The following DNAH17 variants were observed in gnomAD, a reference collection of about 807,000 sequenced individuals.
DNAH17 encodes axonemal beta dynein heavy chain 17.
In DNAH17, 376 loss-of-function variants were observed where a neutral mutation model predicts 485.6. The observed-to-expected ratio is 0.77, with a 90% CI of 0.71 to 0.84. The LOEUF is 0.84. Among genes scored for constraint, DNAH17 ranks in the 40% least tolerant of loss-of-function variants. DNAH17 has a pLI of 0.00. For synonymous variants in DNAH17, 3,031 were observed against 2,405.9 expected (o/e 1.26, Z -7.60); for missense variants, 6,370 against 5,839.3 (o/e 1.09, Z -2.96).
chr17:78,485,443 T>C, intron 47 of DNAH17, 107 bp downstream of exon 47: 2 of 1,103,382 alleles, frequency 1.8e-6, no homozygotes, highest in East Asian at 2.6e-5. Context: ...AGTGAGGAGG[T>C]GCAAAGTGGC....
intron 51 of DNAH17, among the ~76,000 whole-genome samples, chr17:78,478,389 T>C (rs1360529755): frequency 6.7e-6 from 1 of 149,386 alleles, no homozygotes; most frequent in African/African-American, 2.5e-5. Flanking sequence ...ACCACTATTA[T>C]CATCAGCACC....
At position 78,484,837 on chromosome 17, in the gene DNAH17, C is replaced by T. The variant is rs367833240; in HGVS notation, c.7649+31G>A. On this transcript the variant is annotated intron_variant, in intron 48 of 80. Transcript: ENST00000389840. ...CCCCGCCCTCACCGCCCCGGGGCCACGCCTTCCCCTCCGGCCCCGCCCCGT... is the reference window on the plus strand; with the variant it reads ...CCCCGCCCTCACCGCCCCGGGGCCATGCCTTCCCCTCCGGCCCCGCCCCGT... 1.3e-3 allele frequency: 1,890 copies of T among 1,507,270 alleles called. 4 individuals carry two copies. Among genetic ancestry groups the T allele is most frequent in the Non-Finnish European group, 1.4e-3 (1,560 of 1,126,048 alleles). The allele number at this position is 1,507,270 out of a possible 1,614,324, so 93.4% of individuals were successfully genotyped here.
rs561531671 is a variant in DNAH17 at position 78,533,943 on chromosome 17, C to T, written c.2860-1207G>A. ...TCAGGTGATCCACCTGCCTCAGCCT[C>T]CCAAAGTGTTGGGATTACAGGCGTG... On this transcript the variant is annotated intron_variant, in intron 19 of 80. Transcript: ENST00000389840. 4.6e-5 allele frequency among the ~76,000 whole-genome samples: 7 copies of T among 152,340 alleles called. No homozygotes were observed. In the East Asian group the frequency reaches 1.3e-3, roughly 29 times the overall value.
rs931006105 is a variant in DNAH17, at chr17:78,440,926, C to A, written c.11677+125G>T. On this transcript the variant is annotated intron_variant, in intron 72 of 80. Transcript: ENST00000389840. ...CCTGTTCTTGATCATTGCCATCCTA[C>A]CGGCGTGAAGCCGCGTCTTGGGTGT... 1.5e-5 allele frequency: 18 copies of A among 1,164,480 alleles called. No homozygotes were observed. The African/African-American group carries it at 2.5e-4, about 16-fold the overall frequency. 72.1% of individuals were successfully genotyped at this position (1,164,480 alleles called of 1,614,324 possible).
At chr17:78,508,512 C>T (rs140199963) in intron 27 of DNAH17, among the ~76,000 whole-genome samples, 126 of 152,372 alleles carry the variant, frequency 8.3e-4, no homozygotes, top group African/African-American at 3.0e-3. Flanking sequence ...AAATAATTTG[C>T]ATACTTTTCT....
chr17:78,539,663 G>T lies in DNAH17; in HGVS notation c.2676+74C>A, dbSNP rs533002827. The T allele has an allele frequency of 4.7e-6, 6 of 1,269,392 alleles. No individual in the cohort carries two copies. In the Admixed American group the frequency reaches 1.2e-4, roughly 26 times the overall value. 78.6% of individuals were successfully genotyped at this position (1,269,392 alleles called of 1,614,324 possible). A position where few individuals can be genotyped will look rare whatever the true frequency, so the allele number is the denominator to read the frequency against. ...TATAAAATGATAGCCTGTTCATCAA[G>T]AAACTAGAAACTATAGATTCTAACA... On this transcript the variant is annotated intron_variant, in intron 18 of 80. Coordinates refer to ENST00000389840, the MANE Select transcript of DNAH17 (RefSeq NM_173628.4).
chr17:78,457,223 T>G (rs1441957218), intron 62 of DNAH17, among the ~76,000 whole-genome samples: 7 of 151,936 alleles, frequency 4.6e-5, no homozygotes, highest in Non-Finnish European at 1.0e-4. Context: ...ATACAAAAAT[T>G]AGCCGGGTGT....
rs769474949 is a variant in DNAH17 at position 78,476,608 on chromosome 17, A to G, written c.8118T>C (p.His2706=). 1.7e-5 allele frequency: 27 copies of G among 1,611,420 alleles called. No homozygotes were observed. The highest frequency in any genetic ancestry group is 2.1e-5 in the Non-Finnish European group (25 of 1,178,874). The stretch of plus-strand genomic sequence containing the variant: ...TCTTGGTGGAGGCCATGGTGACTCT[A>G]TGCAATGTTTCCTGGTCTTTTTCGT... ...MVDEKDQETL[H]RVTMASTKKF... Residue 2706 remains histidine (H), a synonymous_variant, in exon 52 of 81, where the codon CAT becomes CAC. Transcript: ENST00000389840.
Position 78,566,436 on chromosome 17 carries a change from A to G in DNAH17, c.1569+178T>C, listed in dbSNP as rs540143174. Among the ~76,000 whole-genome samples the G allele has an allele frequency of 3.9e-5, 6 of 152,282 alleles. No homozygotes were observed. In the South Asian group the frequency reaches 6.2e-4, roughly 16 times the overall value. On this transcript the variant is annotated intron_variant, in intron 11 of 80. Transcript: ENST00000389840. ...CTAGGATGTGGCAGTAAGAACCATCAGGAGCTACACTGGGTGTTCACGGCT... is the reference window on the plus strand; with the variant it reads ...CTAGGATGTGGCAGTAAGAACCATCGGGAGCTACACTGGGTGTTCACGGCT...
Position 78,437,829 on chromosome 17 carries a change from T to C in DNAH17, c.11845A>G (p.Lys3949Glu), listed in dbSNP as rs1568049743. Residue 3949 changes from lysine (K) to glutamate (E), a missense_variant, in exon 74 of 81, where the codon AAG becomes GAG. Coordinates refer to ENST00000389840, the MANE Select transcript of DNAH17 (RefSeq NM_173628.4). ...CCCGTGCTGTAGTGCTCCAGCTTCT[T>C]GTCCAGTGTTCCCAGCCACCGGGCC... is the stretch of plus-strand genomic sequence containing the variant. ...LVARWLGTLD[K>E]KLEHYSTGSH... The C allele has an allele frequency of 3.7e-6, 6 of 1,611,694 alleles. No homozygotes were observed. The highest frequency in any genetic ancestry group is 5.1e-6 in the Non-Finnish European group (6 of 1,179,332).
intron 75 of DNAH17, among the ~76,000 whole-genome samples, chr17:78,431,937 C>T (rs184978804): frequency 3.3e-5 from 5 of 152,096 alleles, no homozygotes; most frequent in Admixed American, 6.5e-5. Flanking sequence ...TTTGGGAGGC[C>T]GAGGTGGGCG....
At position 78,494,905 on chromosome 17, in the gene DNAH17, G is replaced by A. The variant is rs544515035; in HGVS notation, c.6042+54C>T. The stretch of plus-strand genomic sequence containing the variant: ...GGTCTGGAAGCCAACCCTGGCTGCT[G>A]CCCGCATCTCAAACTCCCACCCACA... On this transcript the variant is annotated intron_variant, in intron 39 of 80. Coordinates refer to ENST00000389840, the MANE Select transcript of DNAH17 (RefSeq NM_173628.4). 6.9e-5 allele frequency: 110 copies of A among 1,583,530 alleles called. No homozygotes were observed. The African/African-American group carries it at 1.3e-3, about 19-fold the overall frequency.
At chr17:78,429,891 C>T (rs921320025) in intron 75 of DNAH17, among the ~76,000 whole-genome samples, 39 of 152,174 alleles carry the variant, frequency 2.6e-4, no homozygotes, top group African/African-American at 7.7e-4. Context: ...CAGTAGCTCC[C>T]GTGCCTCCAG....
intron 62 of DNAH17, chr17:78,458,351 T>G (rs1033756319): frequency 3.5e-6 from 2 of 575,314 alleles, no homozygotes; most frequent in African/African-American, 3.8e-5. Flanking sequence ...CAGTGTGGGT[T>G]ACTTGGAACC....
intron 16 of DNAH17, 85 bp downstream of exon 16, chr17:78,551,450 C>T (rs1482287861): frequency 2.4e-6 from 3 of 1,265,442 alleles, no homozygotes; most frequent in African/African-American, 2.9e-5. Context: ...GCAGCACTTT[C>T]CATGGGCCTC....
intron 41 of DNAH17, 89 bp downstream of exon 41, chr17:78,493,942 CGGGGT>C: frequency 6.8e-7 from 1 of 1,472,648 alleles, no homozygotes; most frequent in Middle Eastern, 2.4e-4. Flanking sequence ...TTGGGGTCTC[CGGGGT>C]GGCGGGGAGT....
chr17:78,543,949 C>T lies in DNAH17; in HGVS notation c.2440G>A (p.Ala814Thr), dbSNP rs2091678177. 1 of 1,614,008 alleles carries T rather than the reference C, an allele frequency of 6.2e-7. No individual in the cohort carries two copies. Among genetic ancestry groups the T allele is most frequent in the Non-Finnish European group, 8.5e-7 (1 of 1,179,888 alleles). The change falls in exon 17 of 81, where the codon GCC becomes ACC. Residue 814 changes from alanine to threonine, a missense_variant. By Grantham distance (58) the Ala-to-Thr change is moderately conservative. Transcript: ENST00000389840. ...LFERKDNKKE[A>T]LLDLDGRIAN... Reference sequence around the variant, plus strand: ...ATTCTTCCATCCAAGTCTAACAGGGCCTCTTTCTTATTGTCCTTTCTTTCA... The same window carrying T: ...ATTCTTCCATCCAAGTCTAACAGGGTCTCTTTCTTATTGTCCTTTCTTTCA...
intron 17 of DNAH17, among the ~76,000 whole-genome samples, chr17:78,540,370 T>A (rs2091491736): frequency 7.5e-6 from 1 of 132,900 alleles, no homozygotes; most frequent in African/African-American, 2.9e-5. Flanking sequence ...GACAGATGAA[T>A]GGGGTGGACG....
intron 48 of DNAH17, among the ~76,000 whole-genome samples, chr17:78,482,057 ACTACACT>A (rs1568125951): frequency 6.7e-6 from 1 of 148,392 alleles, no homozygotes; most frequent in Non-Finnish European, 1.5e-5. Context: ...TTGATGTCAC[ACTACACT>A]AGTTACTTTT....
Sources: allele counts gnomAD v4.1 joint callset (sites outside exome capture counted in the v4.1 genomes callset), GRCh38; gene constraint gnomAD v4.1.1; transcripts MANE v1.5; gene names NCBI Gene and HGNC (gene_info 2026-07-23, HGNC 2026-07-21).